Variants in TAF2 observed in about 807,000 individuals in gnomAD.
The protein encoded by TAF2 is TATA-box binding protein associated factor 2.
A neutral mutation model predicts 138.5 loss-of-function variants in TAF2; 61 were observed. The ratio of observed to expected loss-of-function variants is 0.44; its 90% CI spans 0.36 to 0.54. The LOEUF is 0.54. Ranked by LOEUF, TAF2 falls within the 20% of genes least tolerant of loss-of-function variation. The pLI is 0.00. For synonymous variants in TAF2, 475 were observed against 469.9 expected, an observed-to-expected ratio of 1.01 and a Z score of -0.14; for missense variants, 1,090 against 1,427.9, an observed-to-expected ratio of 0.76 and a Z score of 3.81.
At chr8:119,761,290 AAGAGCAAC>A (rs1386948949) in intron 19 of TAF2, among the ~76,000 whole-genome samples, 2 of 152,216 alleles carry the variant, frequency 1.3e-5, no homozygotes, top group East Asian at 1.9e-4. Flanking sequence ...TTTATAGCCT[AAGAGCAAC>A]AGAGCAACAG....
At chr8:119,765,269 C>T (rs1168206649) in intron 18 of TAF2, among the ~76,000 whole-genome samples, 1 of 151,848 alleles carries the variant, frequency 6.6e-6, no homozygotes. Context: ...TTCTTCAAGA[C>T]AAGAACTATT....
rs1364386706 is a variant in TAF2, at chr8:119,781,139, A to T, written c.2167T>A (p.Phe723Ile). ...CTTTTACAACAAAACATCCTAGTGA[A>T]GAGTGACTTCATGGCTGGTGGTCCT... Reference protein sequence around the residue: ...WTGPPAMKSLFTRMFCCKSCP... With the variant: ...WTGPPAMKSLITRMFCCKSCP... The change falls in exon 17 of 26, where the codon TTC becomes ATC. Residue 723 changes from phenylalanine (F) to isoleucine (I), a missense_variant. By Grantham distance (21) the Phe-to-Ile change is conservative. Transcript: ENST00000378164. 1 of 1,614,044 alleles carries T rather than the reference A, an allele frequency of 6.2e-7. No homozygotes were observed. Among genetic ancestry groups the T allele is most frequent in the Non-Finnish European group, 8.5e-7 (1 of 1,180,030 alleles).
At chr8:119,794,819 T>C (rs1005667649) in intron 9 of TAF2, among the ~76,000 whole-genome samples, 4 of 152,156 alleles carry the variant, frequency 2.6e-5, no homozygotes, top group Non-Finnish European at 5.9e-5. Context: ...GAAAATTAAC[T>C]TTTTGGCTTA....
chr8:119,793,601 T>C, intron 9 of TAF2, 150 bp from the exon 10 acceptor site: 1 of 648,706 alleles, frequency 1.5e-6, no homozygotes, highest in Non-Finnish European at 2.6e-6. Context: ...AAGAGTAGTT[T>C]ATGTTCTTAT....
At chr8:119,764,914 G>T (rs2131071705) in intron 18 of TAF2, among the ~76,000 whole-genome samples, 1 of 151,982 alleles carries the variant, frequency 6.6e-6, no homozygotes, top group Middle Eastern at 3.4e-3. Flanking sequence ...CAGCAGACTA[G>T]GAAGGAAAGA....
intron 25 of TAF2, among the ~76,000 whole-genome samples, chr8:119,735,268 T>C (rs967744071): frequency 5.3e-5 from 8 of 152,200 alleles, no homozygotes; most frequent in African/African-American, 1.9e-4. Context: ...TATAGCACAG[T>C]ATCTATCATC....
intron 18 of TAF2, among the ~76,000 whole-genome samples, chr8:119,770,868 C>G (rs145078256): frequency 6.6e-6 from 1 of 152,124 alleles, no homozygotes; most frequent in Non-Finnish European, 1.5e-5. Context: ...CTCAGGAGTT[C>G]GAGACTAGCC....
At chr8:119,822,397 T>G (rs778882247) in intron 2 of TAF2, among the ~76,000 whole-genome samples, 2 of 151,936 alleles carry the variant, frequency 1.3e-5, no homozygotes, top group Non-Finnish European at 2.9e-5. Flanking sequence ...TAATTAAAAA[T>G]TTTTTTCTCT....
At chr8:119,788,753 G>C in intron 13 of TAF2, 37 bp downstream of exon 13, 1 of 1,381,090 alleles carries the variant, frequency 7.2e-7, no homozygotes, top group Non-Finnish European at 1.0e-6. Context: ...AAACTGAGGA[G>C]ATAGCAGTAC....
At chr8:119,738,229 T>C (rs537647398) in intron 25 of TAF2, among the ~76,000 whole-genome samples, 6 of 152,268 alleles carry the variant, frequency 3.9e-5, no homozygotes, top group African/African-American at 1.2e-4. Context: ...GTTTACCAGC[T>C]CTAATCTAAC....
intron 6 of TAF2, among the ~76,000 whole-genome samples, chr8:119,799,231 T>C (rs1181487540): frequency 3.3e-5 from 5 of 152,322 alleles, no homozygotes; most frequent in East Asian, 3.9e-4. Flanking sequence ...TATGTATACA[T>C]GTGCCATGTT....
chr8:119,797,228 A>C lies in TAF2; in HGVS notation c.978-125T>G, dbSNP rs144247379. ...AGAGAAAAAATTCTCCCACCTTTCT[A>C]ATCTTTTCAAAATTTAGCTAAAATT... On this transcript the variant is annotated intron_variant, in intron 7 of 25. Coordinates refer to ENST00000378164, the MANE Select transcript of TAF2 (RefSeq NM_003184.4). 2.8e-4 allele frequency: 206 copies of C among 738,148 alleles called. No homozygotes were observed. The East Asian group carries it at 5.4e-3, about 19-fold the overall frequency. The allele number at this position is 738,148 out of a possible 1,614,324, so 45.7% of individuals were successfully genotyped here.
At chr8:119,813,204 T>C (rs1039410337) in intron 3 of TAF2, among the ~76,000 whole-genome samples, 1 of 152,230 alleles carries the variant, frequency 6.6e-6, no homozygotes, top group African/African-American at 2.4e-5. Context: ...ATTAGTGATG[T>C]TGAGAATTTC....
In TAF2 at chr8:119,781,078, C is replaced by T. The variant is rs1822617133; in HGVS notation, c.2228G>A (p.Ser743Asn). Residue 743 changes from serine to asparagine, a missense_variant, in exon 17 of 26, where the codon AGC becomes AAC. Physicochemically the swap from Ser to Asn is conservative, Grantham distance 46 (BLOSUM62 1). Transcript: ENST00000378164. The stretch of plus-strand genomic sequence containing the variant: ...CTTCTGTAGAAAATAGCTTTGAAAG[C>T]TCATAAAGTTGTTTGTTTTCACAAT... ...PNIVKTNNFM[S>N]FQSYFLQKTM... 1.9e-6 allele frequency: 3 copies of T among 1,613,396 alleles called. No individual in the cohort carries two copies. Among genetic ancestry groups the T allele is most frequent in the Non-Finnish European group, 2.5e-6 (3 of 1,179,944 alleles).
chr8:119,803,623 C>T (rs1286009565), intron 5 of TAF2, among the ~76,000 whole-genome samples: 1 of 149,700 alleles, frequency 6.7e-6, no homozygotes, highest in African/African-American at 2.5e-5. Context: ...ACCCAGGAGG[C>T]ACAGGTTGCA....
Position 119,757,987 on chromosome 8 carries a change from A to C in TAF2, c.2768+86T>G, listed in dbSNP as rs1406535826. 29 of 1,119,174 alleles carry C rather than the reference A, an allele frequency of 2.6e-5. No individual in the cohort carries two copies. The South Asian group carries it at 3.2e-4, about 12-fold the overall frequency. 69.3% of individuals were successfully genotyped at this position (1,119,174 alleles called of 1,614,324 possible). A position where few individuals can be genotyped will look rare whatever the true frequency, so the allele number is the denominator to read the frequency against. On this transcript the variant is annotated intron_variant, in intron 21 of 25. Transcript: ENST00000378164. Reference sequence around the variant, plus strand: ...ATATTCCCATATTTTCAAAAATCATAAACAAGCATTTTATGTGTAATCTGA... The same window carrying C: ...ATATTCCCATATTTTCAAAAATCATCAACAAGCATTTTATGTGTAATCTGA...
intron 11 of TAF2, among the ~76,000 whole-genome samples, chr8:119,790,637 G>C (rs1823356988): frequency 6.6e-6 from 1 of 152,048 alleles, no homozygotes; most frequent in African/African-American, 2.4e-5. Context: ...TCTGAAACTT[G>C]CTTAAAATAC....
chr8:119,819,066 A>G (rs577191336), intron 3 of TAF2, among the ~76,000 whole-genome samples: 1 of 152,254 alleles, frequency 6.6e-6, no homozygotes, highest in Admixed American at 6.5e-5. Flanking sequence ...ATTAAGAAAA[A>G]CACTGAAAGT....
intron 3 of TAF2, among the ~76,000 whole-genome samples, chr8:119,817,796 T>C (rs937926974): frequency 6.6e-6 from 1 of 152,190 alleles, no homozygotes; most frequent in African/African-American, 2.4e-5. Context: ...TCTGGCAAGG[T>C]AATGGGTCCT....
Sources: allele counts gnomAD v4.1 joint callset (sites outside exome capture counted in the v4.1 genomes callset), GRCh38; gene constraint gnomAD v4.1.1; transcripts MANE v1.5; gene names NCBI Gene and HGNC (gene_info 2026-07-23, HGNC 2026-07-21).